The following DCBLD2 variants were observed in gnomAD, a reference collection of about 807,000 sequenced individuals.
DCBLD2 encodes discoidin, CUB and LCCL domain-containing protein 2.
In DCBLD2, 54 loss-of-function variants were observed where a neutral mutation model predicts 86.8. That is an observed-to-expected ratio of 0.62 (90% CI 0.50 to 0.78). The LOEUF (loss-of-function observed/expected upper bound fraction) is 0.78, where lower values mean the gene tolerates loss of function less well. DCBLD2 is among the 30% of genes least tolerant of loss of function. The pLI is 0.00. For synonymous variants in DCBLD2, 354 were observed against 341.3 expected, an observed-to-expected ratio of 1.04 and a Z score of -0.41; for missense variants, 908 against 954.2, an observed-to-expected ratio of 0.95 and a Z score of 0.64.
At chr3:98,852,164 T>A (rs1942851713) in intron 2 of DCBLD2, among the ~76,000 whole-genome samples, 1 of 152,200 alleles carries the variant, frequency 6.6e-6, no homozygotes. Context: ...TGGTAACTTG[T>A]TATTTTCTTG....
intron 1 of DCBLD2, among the ~76,000 whole-genome samples, chr3:98,882,481 T>G (rs1943488155): frequency 6.6e-6 from 1 of 152,106 alleles, no homozygotes; most frequent in South Asian, 2.1e-4. Flanking sequence ...AATGCGCAGG[T>G]TACACAGATA....
intron 9 of DCBLD2, among the ~76,000 whole-genome samples, chr3:98,817,482 A>T (rs938116530): frequency 6.6e-6 from 1 of 152,246 alleles, no homozygotes; most frequent in Non-Finnish European, 1.5e-5. Context: ...AGAAATTACA[A>T]GGTCCCTTTT....
At chr3:98,828,712 C>G (rs1047967581) in intron 3 of DCBLD2, among the ~76,000 whole-genome samples, 2 of 152,012 alleles carry the variant, frequency 1.3e-5, no homozygotes, top group Non-Finnish European at 2.9e-5. Flanking sequence ...GGTATATGCC[C>G]AAGAGAATTA....
chr3:98,806,481 A>C (rs1251637939), intron 13 of DCBLD2, among the ~76,000 whole-genome samples: 1 of 151,966 alleles, frequency 6.6e-6, no homozygotes, highest in African/African-American at 2.4e-5. Flanking sequence ...TATTGTTCTC[A>C]TACTAATTTG....
chr3:98,802,306 G>C (rs2107419811), intron 13 of DCBLD2, among the ~76,000 whole-genome samples: 1 of 152,316 alleles, frequency 6.6e-6, no homozygotes, highest in Admixed American at 6.5e-5. Flanking sequence ...CTGATGGCCA[G>C]TGATGATGAG....
At chr3:98,824,326 A>G (rs1942177439) in intron 4 of DCBLD2, among the ~76,000 whole-genome samples, 1 of 149,270 alleles carries the variant, frequency 6.7e-6, no homozygotes, top group Admixed American at 6.8e-5. Context: ...ATAGTACAGC[A>G]GCCCCGGACA....
intron 2 of DCBLD2, among the ~76,000 whole-genome samples, chr3:98,877,297 A>G (rs1358143592): frequency 2.0e-5 from 3 of 152,222 alleles, no homozygotes; most frequent in African/African-American, 7.2e-5. Context: ...GAACCAGCCT[A>G]AAGAATTTTT....
chr3:98,863,971 T>C (rs1368549743), intron 2 of DCBLD2, among the ~76,000 whole-genome samples: 3 of 152,170 alleles, frequency 2.0e-5, no homozygotes, highest in Non-Finnish European at 4.4e-5. Context: ...GACAAAGGGC[T>C]AATATTGAGA....
chr3:98,829,350 G>C (rs1424665246), intron 3 of DCBLD2, among the ~76,000 whole-genome samples: 1 of 152,086 alleles, frequency 6.6e-6, no homozygotes, highest in Admixed American at 6.6e-5. Flanking sequence ...AGGTAAACTT[G>C]TGTCATGGGG....
intron 3 of DCBLD2, among the ~76,000 whole-genome samples, chr3:98,825,639 GTATTTATATATATATATATATA>G (rs1387547407): frequency 1.7e-5 from 1 of 59,434 alleles, no homozygotes; most frequent in Non-Finnish European, 3.4e-5. Flanking sequence ...ATGTATATGT[GTATTTATATATATATATATATA>G]TATATATATA....
chr3:98,861,053 C>A (rs557525135), intron 2 of DCBLD2, among the ~76,000 whole-genome samples: 6 of 151,878 alleles, frequency 4.0e-5, no homozygotes, highest in Non-Finnish European at 5.9e-5. Flanking sequence ...ATGGAAAACA[C>A]AAAAAGGCAG....
intron 2 of DCBLD2, among the ~76,000 whole-genome samples, chr3:98,860,307 A>C (rs1252482233): frequency 1.3e-5 from 2 of 152,218 alleles, no homozygotes; most frequent in South Asian, 2.1e-4. Flanking sequence ...TCTGCAGGAT[A>C]TTATCCAGGA....
intron 2 of DCBLD2, among the ~76,000 whole-genome samples, chr3:98,860,598 C>G (rs1021926335): frequency 6.6e-6 from 1 of 152,124 alleles, no homozygotes; most frequent in East Asian, 1.9e-4. Context: ...GAATTTTCAA[C>G]CCGGAATTTC....
intron 9 of DCBLD2, 23 bp from the exon 10 acceptor site, chr3:98,812,505 T>G: frequency 1.2e-6 from 2 of 1,601,254 alleles, no homozygotes; most frequent in Non-Finnish European, 1.7e-6. Context: ...AACAAAAAAT[T>G]GGTACTTCAA....
chr3:98,817,735 A>G, intron 9 of DCBLD2, 34 bp downstream of exon 9: 2 of 1,608,714 alleles, frequency 1.2e-6, no homozygotes, highest in Non-Finnish European at 1.7e-6. Context: ...CATTTAAAAA[A>G]TGTTTTTTAA....
chr3:98,810,055 C>T lies in DCBLD2; in HGVS notation c.1576+1139G>A, dbSNP rs570966323. On this transcript the variant is annotated intron_variant, in intron 12 of 15. Coordinates refer to ENST00000326840, the MANE Select transcript of DCBLD2 (RefSeq NM_080927.4). Reference sequence around the variant, plus strand: ...CAGGAGGTCTCTGAGAAGACCAACTCATTCTTTGTTATTCTTTTTGGGCAT... The same window carrying T: ...CAGGAGGTCTCTGAGAAGACCAACTTATTCTTTGTTATTCTTTTTGGGCAT... 1.8e-4 allele frequency among the ~76,000 whole-genome samples: 27 copies of T among 152,300 alleles called. 1 individual carries two copies. The South Asian group carries it at 5.4e-3, about 30-fold the overall frequency.
intron 2 of DCBLD2, among the ~76,000 whole-genome samples, chr3:98,872,068 T>G (rs1943289266): frequency 6.6e-6 from 1 of 152,224 alleles, no homozygotes; most frequent in African/African-American, 2.4e-5. Flanking sequence ...CTTTCTAGTT[T>G]GTGTGCACAG....
At chr3:98,840,043 G>GAGTAATGGGAAGCTGAATGCT (rs1464106373) in intron 3 of DCBLD2, among the ~76,000 whole-genome samples, 1 of 152,200 alleles carries the variant, frequency 6.6e-6, no homozygotes, top group East Asian at 1.9e-4. Flanking sequence ...GAAGTCAGAT[G>GAGTAATGGGAAGCTGAATGCT]AGTAATGGGA....
intron 2 of DCBLD2, among the ~76,000 whole-genome samples, chr3:98,868,337 T>TA (rs1330775476): frequency 2.6e-5 from 4 of 152,244 alleles, no homozygotes; most frequent in East Asian, 1.9e-4. Context: ...CTAGAAAAGT[T>TA]AGAGATGGGG....
Sources: gnomAD v4.1 joint callset for allele counts (sites outside exome capture counted in the v4.1 genomes callset) on GRCh38, gnomAD v4.1.1 for gene constraint, MANE v1.5 for transcripts, NCBI Gene and HGNC (gene_info 2026-07-23, HGNC 2026-07-21) for gene names.